The following PPM1A variants were observed in gnomAD, a reference collection of about 807,000 sequenced individuals.
The protein encoded by PPM1A is protein phosphatase 1A.
In PPM1A, 7 loss-of-function variants were observed where a neutral mutation model predicts 35.0. The ratio of observed to expected loss-of-function variants is 0.20; its 90% CI spans 0.11 to 0.38. PPM1A has a LOEUF of 0.38. Among genes scored for constraint, PPM1A ranks in the 10% least tolerant of loss-of-function variants. The pLI is 1.00. For missense variants in PPM1A, 239 were observed against 467.8 expected (o/e 0.51, Z 4.51); for synonymous variants, 153 against 167.3 (o/e 0.91, Z 0.66).
intron 1 of PPM1A, among the ~76,000 whole-genome samples, chr14:60,281,423 T>C (rs1287419969): frequency 6.6e-6 from 1 of 152,162 alleles, no homozygotes; most frequent in Non-Finnish European, 1.5e-5. Flanking sequence ...CCTAGGAGGA[T>C]TTTCTTCTTG....
At chr14:60,286,958 A>G in intron 3 of PPM1A, 1 of 888,902 alleles carries the variant, frequency 1.1e-6, no homozygotes, top group Non-Finnish European at 1.3e-6. Flanking sequence ...GGTATAGTAC[A>G]ATTTTAAAAT....
At position 60,280,020 on chromosome 14, in the gene PPM1A, G is replaced by A. The variant is rs1381771005; in HGVS notation, c.-20-2664G>A. ...TGCCTTCTTATATACTTTTTTTTTT[G>A]AGACGGAGTCTCGCTCTATCGCCCA... is the stretch of plus-strand genomic sequence containing the variant. On this transcript the variant is annotated intron_variant, in intron 1 of 5. Transcript: ENST00000395076. 6.1e-5 allele frequency among the ~76,000 whole-genome samples: 9 copies of A among 148,296 alleles called. 1 individual carries two copies. The South Asian group carries it at 1.9e-3, about 31-fold the overall frequency.
At chr14:60,260,013 G>A (rs552650155) in intron 1 of PPM1A, among the ~76,000 whole-genome samples, 2 of 152,200 alleles carry the variant, frequency 1.3e-5, no homozygotes, top group East Asian at 3.9e-4. Flanking sequence ...GTGGCAAGGT[G>A]TGTTCACTTG....
In PPM1A at chr14:60,253,671, T is replaced by A. The variant is rs146150200; in HGVS notation, c.-21+3994T>A. Among the ~76,000 whole-genome samples, 14 of 152,314 alleles carry A rather than the reference T, an allele frequency of 9.2e-5. No individual in the cohort carries two copies. The East Asian group carries it at 2.7e-3, about 29-fold the overall frequency. On this transcript the variant is annotated intron_variant, in intron 1 of 5. Coordinates refer to ENST00000395076, the MANE Select transcript of PPM1A (RefSeq NM_021003.5). ...TCAGAAAAGATTTAAGAAATTAAGT[T>A]CATTTTCTCATTCCCAAAGTTTCAG...
rs943631746 is a variant in PPM1A, at chr14:60,292,531, C to T, written c.*49C>T. The T allele has an allele frequency of 5.3e-6, 8 of 1,503,450 alleles. No homozygotes were observed. The Admixed American group carries it at 6.9e-5, about 13-fold the overall frequency. The allele number at this position is 1,503,450 out of a possible 1,614,324, so 93.1% of individuals were successfully genotyped here. ...TTACCTTCACCTCCAAAGGAGAGTA[C>T]AGCTCAACTTTGTTGAAACTTTTAA... On this transcript the variant is annotated 3_prime_UTR_variant, in exon 6 of 6. Coordinates refer to ENST00000395076, the MANE Select transcript of PPM1A (RefSeq NM_021003.5). This position sits in a 1 kb window ranked among gnomAD's most constrained non-coding sequence, Gnocchi z 4.2.
At chr14:60,268,720 A>G (rs1198444438) in intron 1 of PPM1A, among the ~76,000 whole-genome samples, 2 of 151,076 alleles carry the variant, frequency 1.3e-5, no homozygotes. Flanking sequence ...GAGGTTTCTT[A>G]ATAAGGTTTG....
chr14:60,250,570 C>G (rs1882268656), intron 1 of PPM1A: 1 of 302,852 alleles, frequency 3.3e-6, no homozygotes, highest in African/African-American at 2.3e-5. Context: ...TGTGTGCTAG[C>G]CCCACCTCCC....
At chr14:60,278,004 G>A (rs1049408771) in intron 1 of PPM1A, among the ~76,000 whole-genome samples, 2 of 152,178 alleles carry the variant, frequency 1.3e-5, no homozygotes, top group South Asian at 2.1e-4. Context: ...TAACCTCACC[G>A]TGGCTTAGTT....
upstream of PPM1A, among the ~76,000 whole-genome samples, chr14:60,247,913 G>A (rs1377901730): frequency 1.3e-5 from 2 of 152,126 alleles, no homozygotes; most frequent in Non-Finnish European, 2.9e-5. Flanking sequence ...ACTCAATTTG[G>A]CCAGTAAAAG....
intron 1 of PPM1A, among the ~76,000 whole-genome samples, chr14:60,276,028 G>C (rs1402363108): frequency 6.6e-6 from 1 of 152,150 alleles, no homozygotes; most frequent in Non-Finnish European, 1.5e-5. Context: ...AGATGTAGCT[G>C]CAAGGGTTAG....
intron 1 of PPM1A, among the ~76,000 whole-genome samples, chr14:60,254,897 T>C (rs1423461320): frequency 6.6e-6 from 1 of 152,226 alleles, no homozygotes; most frequent in African/African-American, 2.4e-5. Flanking sequence ...TTTCCATGAT[T>C]GGACCTCAAG....
intron 1 of PPM1A, among the ~76,000 whole-genome samples, chr14:60,261,131 CT>C (rs1883701438): frequency 6.6e-6 from 1 of 152,146 alleles, no homozygotes; most frequent in Non-Finnish European, 1.5e-5. Context: ...AGTCTACCTT[CT>C]TACTACCCTA....
chr14:60,267,456 A>G (rs1414190889), intron 1 of PPM1A, among the ~76,000 whole-genome samples: 1 of 152,170 alleles, frequency 6.6e-6, no homozygotes, highest in East Asian at 1.9e-4. Flanking sequence ...GGTGATTTGT[A>G]ATATATATTT....
intron 1 of PPM1A, among the ~76,000 whole-genome samples, chr14:60,258,933 C>A (rs1432151811): frequency 1.3e-5 from 2 of 152,000 alleles, no homozygotes; most frequent in African/African-American, 2.4e-5. Flanking sequence ...ATTCTATGAG[C>A]TTATGACTAA....
intron 4 of PPM1A, among the ~76,000 whole-genome samples, 159 bp downstream of exon 4, chr14:60,290,073 T>C (rs1012364318): frequency 2.0e-5 from 3 of 152,154 alleles, no homozygotes; most frequent in African/African-American, 7.2e-5. Flanking sequence ...ATATCTAGAG[T>C]TTGTTTAGAC....
Position 60,294,102 on chromosome 14 carries a change from T to C in PPM1A, c.*1620T>C, listed in dbSNP as rs1887877675. Reference sequence around the variant, plus strand: ...ATAAAAACCAGTATAGTCCATTTTGTTATATTTGTTTTTTCCCTAACTTGG... The same window carrying C: ...ATAAAAACCAGTATAGTCCATTTTGCTATATTTGTTTTTTCCCTAACTTGG... On this transcript the variant is annotated 3_prime_UTR_variant, in exon 6 of 6. Transcript: ENST00000395076. 1 of 151,864 alleles carries C rather than the reference T, an allele frequency of 6.6e-6. No individual in the cohort carries two copies. Among genetic ancestry groups the C allele is most frequent in the Non-Finnish European group, 1.5e-5 (1 of 67,848 alleles). 9.4% of individuals were successfully genotyped at this position (151,864 alleles called of 1,614,324 possible). A position where few individuals can be genotyped will look rare whatever the true frequency, so the allele number is the denominator to read the frequency against.
chr14:60,250,892 T>G (rs1251496825), intron 1 of PPM1A, among the ~76,000 whole-genome samples: 1 of 152,232 alleles, frequency 6.6e-6, no homozygotes, highest in Non-Finnish European at 1.5e-5. Flanking sequence ...TTTGAAACAC[T>G]TTACTTTTAT....
Position 60,283,279 on chromosome 14 carries a change from T to C in PPM1A, c.576T>C (p.Ala192=). 1 of 1,614,218 alleles carries C rather than the reference T, an allele frequency of 6.2e-7. No homozygotes were observed. The highest frequency in any genetic ancestry group is 8.5e-7 in the Non-Finnish European group (1 of 1,180,042). ...TTCAGCGTGTGAATGGCTCTCTGGCTGTATCGAGGGCCCTTGGGGATTTTG... is the reference window on the plus strand; with the variant it reads ...TTCAGCGTGTGAATGGCTCTCTGGCCGTATCGAGGGCCCTTGGGGATTTTG... ...VMIQRVNGSL[A]VSRALGDFDY... is the part of the protein sequence containing the mutation. Residue 192 remains alanine (A), a synonymous_variant, in exon 2 of 6, where the codon GCT becomes GCC. Coordinates refer to ENST00000395076, the MANE Select transcript of PPM1A (RefSeq NM_021003.5). This position sits in a 1 kb window ranked among gnomAD's most constrained non-coding sequence, Gnocchi z 6.3.
At chr14:60,262,589 C>T (rs778225617) in intron 1 of PPM1A, among the ~76,000 whole-genome samples, 8 of 152,096 alleles carry the variant, frequency 5.3e-5, no homozygotes, top group East Asian at 1.9e-4. Flanking sequence ...GAGGCTGAGA[C>T]GAGAGGATCA....
Sources: gnomAD v4.1 joint callset for allele counts (sites outside exome capture counted in the v4.1 genomes callset) on GRCh38, gnomAD v4.1.1 for gene constraint, Gnocchi (gnomAD v3.1) non-coding constraint, MANE v1.5 for transcripts, NCBI Gene and HGNC (gene_info 2026-07-23, HGNC 2026-07-21) for gene names.